The following JPH2 variants were observed in gnomAD, a reference collection of about 807,000 sequenced individuals.
JPH2 encodes the protein junctophilin-2.
In JPH2, 38 loss-of-function variants were observed where a neutral mutation model predicts 55.9. The observed-to-expected ratio is 0.68, with a 90% confidence interval of 0.52 to 0.89. JPH2 has a LOEUF of 0.89. Among genes scored for constraint, JPH2 ranks in the 40% least tolerant of loss-of-function variants. JPH2 has a pLI of 0.00. For synonymous variants in JPH2, 480 were observed against 472.4 expected (o/e 1.02, Z -0.21); for missense variants, 964 against 1,037.6 (o/e 0.93, Z 0.97).
chr20:44,134,137 TAA>T (rs1171245650), intron 2 of JPH2, among the ~76,000 whole-genome samples: 305 of 9,926 alleles, frequency 0.031, 61 homozygotes, highest in African/African-American at 0.044. Flanking sequence ...TATAAATATA[TAA>T]ATAAATATTT....
Position 44,116,275 on chromosome 20 carries a change from CG to C in JPH2, c.1399del (p.Arg467AlafsTer41). 1 of 1,529,926 alleles carries C rather than the reference CG, an allele frequency of 6.5e-7. No homozygotes were observed. The allele number at this position is 1,529,926 out of a possible 1,614,324, so 94.8% of individuals were successfully genotyped here. ...ACGCTCGTGCAGCTGCGGGCTCTCG[CG>C]GGGCGGCTGTGGGAGGCCCGCTGCG... ...AGAAGLPQPPRESPQLHERET... is the reference protein window; with the variant it reads ...AGAAGLPQPPXESPQLHERET... On this transcript the variant is annotated frameshift_variant, in exon 4 of 6. Transcript: ENST00000372980. LOFTEE classifies it high-confidence loss of function.
At chr20:44,123,336 C>T (rs1383826058) in intron 2 of JPH2, among the ~76,000 whole-genome samples, 2 of 152,192 alleles carry the variant, frequency 1.3e-5, no homozygotes, top group Non-Finnish European at 2.9e-5. Context: ...CCCTTTATAA[C>T]TCTTAGAACC....
chr20:44,138,132 T>C (rs1184142691), intron 2 of JPH2, among the ~76,000 whole-genome samples: 2 of 149,600 alleles, frequency 1.3e-5, no homozygotes, highest in African/African-American at 5.0e-5. Context: ...CTCAGCCTCC[T>C]GAGTAGCGGG....
rs564301588 is a variant in JPH2, at chr20:44,134,684, AT to A, written c.1170-16062del. On this transcript the variant is annotated intron_variant, in intron 2 of 5. Transcript: ENST00000372980. ...TATATATAAATATATATTTATAAAT[AT>A]TATAAATATATATACATTAATATAT... Among the ~76,000 whole-genome samples, 211 of 34,268 alleles carry A rather than the reference AT, an allele frequency of 6.2e-3. 48 individuals carry two copies. The highest frequency in any genetic ancestry group is 8.7e-3 in the African/African-American group (68 of 7,860). 22.5% of individuals were successfully genotyped at this position (34,268 alleles called of 152,430 possible). A position where few individuals can be genotyped will look rare whatever the true frequency, so the allele number is the denominator to read the frequency against.
intron 2 of JPH2, among the ~76,000 whole-genome samples, chr20:44,149,983 A>G (rs1373717423): frequency 6.9e-6 from 1 of 144,102 alleles, no homozygotes; most frequent in Non-Finnish European, 1.5e-5. Context: ...AAAAAAAAAA[A>G]AAAAAGAATT....
At chr20:44,128,728 C>T (rs1437279318) in intron 2 of JPH2, among the ~76,000 whole-genome samples, 1 of 151,622 alleles carries the variant, frequency 6.6e-6, no homozygotes, top group African/African-American at 2.4e-5. Flanking sequence ...GCTCTGTTGC[C>T]CAGGCTTGGG....
intron 2 of JPH2, among the ~76,000 whole-genome samples, chr20:44,138,713 GTTT>G (rs1455531520): frequency 1.3e-5 from 2 of 152,028 alleles, no homozygotes; most frequent in African/African-American, 4.8e-5. Flanking sequence ...GAGGGATGGG[GTTT>G]AATGATATTT....
chr20:44,114,918 C>T lies in JPH2; in HGVS notation c.2011-42G>A, dbSNP rs750283310. 2.0e-5 allele frequency: 29 copies of T among 1,481,862 alleles called. No individual in the cohort carries two copies. In the Admixed American group the frequency reaches 2.7e-4, roughly 14 times the overall value. 91.8% of individuals were successfully genotyped at this position (1,481,862 alleles called of 1,614,324 possible). A position where few individuals can be genotyped will look rare whatever the true frequency, so the allele number is the denominator to read the frequency against. ...GAGGCTTCCTGAGTCCCCATGGCCT[C>T]GGAGACACCCCCCACCCAGGTCACA... On this transcript the variant is annotated intron_variant, in intron 4 of 5. Transcript: ENST00000372980.
chr20:44,150,981 C>G (rs767468933), intron 2 of JPH2, among the ~76,000 whole-genome samples: 47 of 151,802 alleles, frequency 3.1e-4, no homozygotes, highest in South Asian at 6.2e-4. Flanking sequence ...AGTGAGCTGA[C>G]ATGACAACAC....
At chr20:44,161,834 T>C (rs2072612168) in intron 1 of JPH2, among the ~76,000 whole-genome samples, 1 of 152,150 alleles carries the variant, frequency 6.6e-6, no homozygotes, top group Non-Finnish European at 1.5e-5. Context: ...TCTAGTGTTT[T>C]TAAACTGCCA....
intron 2 of JPH2, among the ~76,000 whole-genome samples, chr20:44,125,241 G>T (rs564278330): frequency 2.7e-3 from 407 of 152,142 alleles, no homozygotes; most frequent in African/African-American, 9.4e-3. Context: ...TAGAGTAGTT[G>T]TCATAGAGAC....
chr20:44,184,207 A>G (rs1600481167), intron 1 of JPH2, among the ~76,000 whole-genome samples: 1 of 152,246 alleles, frequency 6.6e-6, no homozygotes, highest in East Asian at 1.9e-4. Context: ...TGGGTTTTGC[A>G]GGACAAGAAG....
intron 1 of JPH2, among the ~76,000 whole-genome samples, chr20:44,185,206 C>T (rs2072823104): frequency 1.3e-5 from 2 of 151,924 alleles, no homozygotes; most frequent in South Asian, 4.2e-4. Flanking sequence ...ACTCAGGAGG[C>T]CAAGATGGGA....
At chr20:44,122,396 G>C (rs550133845) in intron 2 of JPH2, among the ~76,000 whole-genome samples, 1 of 152,154 alleles carries the variant, frequency 6.6e-6, no homozygotes, top group Non-Finnish European at 1.5e-5. Context: ...CAAAATTTAT[G>C]GGGTTGCCAA....
chr20:44,114,470 A>T (rs191207499), intron 5 of JPH2, among the ~76,000 whole-genome samples: 14 of 152,192 alleles, frequency 9.2e-5, no homozygotes, highest in Admixed American at 7.8e-4. Flanking sequence ...CTCCCAGCAG[A>T]GCAGTACATG....
At chr20:44,166,225 T>C (rs2145884838) in intron 1 of JPH2, among the ~76,000 whole-genome samples, 1 of 152,314 alleles carries the variant, frequency 6.6e-6, no homozygotes, top group South Asian at 2.1e-4. Flanking sequence ...TGGTTCCTGT[T>C]TTACAGATCA....
At chr20:44,145,572 C>G (rs533376720) in intron 2 of JPH2, among the ~76,000 whole-genome samples, 1 of 150,344 alleles carries the variant, frequency 6.7e-6, no homozygotes, top group South Asian at 2.1e-4. Flanking sequence ...CCACTGCACT[C>G]TAGCCTGAGC....
intron 1 of JPH2, among the ~76,000 whole-genome samples, chr20:44,169,863 A>T (rs1166284524): frequency 6.6e-6 from 1 of 152,034 alleles, no homozygotes; most frequent in Non-Finnish European, 1.5e-5. Context: ...AGGAAGAGAG[A>T]TCTGAGCTAG....
At chr20:44,182,846 G>A (rs1027216177) in intron 1 of JPH2, among the ~76,000 whole-genome samples, 3 of 152,360 alleles carry the variant, frequency 2.0e-5, no homozygotes, top group Non-Finnish European at 4.4e-5. Context: ...AAAACTTGCT[G>A]TAAAGCAGTT....
Sources: gnomAD v4.1 joint callset for allele counts (sites outside exome capture counted in the v4.1 genomes callset) on GRCh38, gnomAD v4.1.1 for gene constraint, MANE v1.5 for transcripts, NCBI Gene and HGNC (gene_info 2026-07-23, HGNC 2026-07-21) for gene names.